KCNMA1: variants seen among roughly 807,000 people sequenced by gnomAD.
KCNMA1 encodes the protein potassium calcium-activated channel subfamily M alpha 1.
KCNMA1 carries 29 observed loss-of-function variants against 140.0 expected under a neutral mutation model. The observed-to-expected ratio is 0.21, with a 90% confidence interval of 0.15 to 0.28. The LOEUF (loss-of-function observed/expected upper bound fraction) is 0.28, where lower values mean the gene tolerates loss of function less well. Ranked by LOEUF, KCNMA1 falls within the 10% of genes least tolerant of loss-of-function variation. KCNMA1 has a pLI of 1.00. For synonymous variants in KCNMA1, 612 were observed against 611.9 expected (o/e 1.00, Z 0.00); for missense variants, 880 against 1,602.2 (o/e 0.55, Z 7.70).
intron 1 of KCNMA1, among the ~76,000 whole-genome samples, chr10:77,558,257 A>G (rs2065205392): frequency 6.6e-6 from 1 of 152,156 alleles, no homozygotes; most frequent in African/African-American, 2.4e-5. Flanking sequence ...ATGGTAGGAC[A>G]TGCCTCGTGA....
At chr10:77,448,436 C>T (rs557659010) in intron 1 of KCNMA1, among the ~76,000 whole-genome samples, 8 of 152,304 alleles carry the variant, frequency 5.3e-5, no homozygotes, top group East Asian at 1.9e-4. Flanking sequence ...TGCCTGCCAC[C>T]GGCCAGGCCT....
Position 77,367,361 on chromosome 10 carries a change from C to T in KCNMA1, c.540+36501G>A, listed in dbSNP as rs537181371. Among the ~76,000 whole-genome samples the T allele has an allele frequency of 6.6e-5, 10 of 152,170 alleles. 2 individuals are homozygous for T. The highest frequency in any genetic ancestry group is 4.6e-4 in the Admixed American group (7 of 15,296). On this transcript the variant is annotated intron_variant, in intron 2 of 27. Transcript: ENST00000286628. ...TTTTATCTTGGAAGAACTATGGATC[C>T]GTTAAAGGTCTCTCAGCGTAGGAAT...
intron 2 of KCNMA1, among the ~76,000 whole-genome samples, chr10:77,297,330 A>C (rs2075422797): frequency 6.6e-6 from 1 of 152,222 alleles, no homozygotes; most frequent in Non-Finnish European, 1.5e-5. Context: ...CATTGTTGCC[A>C]AACTTCTTAG....
intron 2 of KCNMA1, among the ~76,000 whole-genome samples, chr10:77,367,668 C>A (rs908940657): frequency 1.3e-5 from 2 of 152,176 alleles, no homozygotes; most frequent in Non-Finnish European, 2.9e-5. Context: ...TACAGAACAA[C>A]TCTGCCCCAA....
chr10:77,135,262 T>C (rs527798928), intron 5 of KCNMA1, among the ~76,000 whole-genome samples: 7 of 152,194 alleles, frequency 4.6e-5, no homozygotes, highest in Admixed American at 1.3e-4. Context: ...TCACTATTTA[T>C]CAGGGAAGTG....
chr10:76,889,404 A>G (rs775052602), intron 27 of KCNMA1, 47 bp downstream of exon 27: 10 of 1,234,074 alleles, frequency 8.1e-6, no homozygotes, highest in Admixed American at 3.4e-5. Context: ...AAGGATATTA[A>G]TATTTCTGTG....
chr10:77,356,688 G>T (rs2093511808), intron 2 of KCNMA1, among the ~76,000 whole-genome samples: 1 of 152,202 alleles, frequency 6.6e-6, no homozygotes, highest in Non-Finnish European at 1.5e-5. Flanking sequence ...TATCATAGTG[G>T]ATAGCTATTA....
At position 77,012,022 on chromosome 10, in the gene KCNMA1, G is replaced by A; in HGVS notation, c.2037C>T (p.Ala679=). 1.2e-6 allele frequency: 2 copies of A among 1,613,888 alleles called. No homozygotes were observed. The highest frequency in any genetic ancestry group is 1.7e-6 in the Non-Finnish European group (2 of 1,179,890). ...EVKRAFFYCK[A]CHDDITDPKR... Reference sequence around the variant, plus strand: ...TGGGATCTGTGATGTCATCATGACAGGCCTTGCAGTAAAAAAATGCCCTGG... The same window carrying A: ...TGGGATCTGTGATGTCATCATGACAAGCCTTGCAGTAAAAAAATGCCCTGG... The change falls in exon 18 of 28, where the codon GCC becomes GCT. Residue 679 remains alanine (A), a synonymous_variant. Transcript: ENST00000286628.
At chr10:77,253,672 TC>T (rs1038419813) in intron 2 of KCNMA1, among the ~76,000 whole-genome samples, 1 of 152,044 alleles carries the variant, frequency 6.6e-6, no homozygotes, top group Admixed American at 6.5e-5. Flanking sequence ...CCTCCACAGC[TC>T]CCTGGCCCTG....
At chr10:77,065,014 C>A (rs1487745763) in intron 14 of KCNMA1, among the ~76,000 whole-genome samples, 1 of 152,194 alleles carries the variant, frequency 6.6e-6, no homozygotes, top group Non-Finnish European at 1.5e-5. Flanking sequence ...GTTTTCTGCA[C>A]CAAAATCACA....
At chr10:77,295,464 A>G (rs1010402573) in intron 2 of KCNMA1, among the ~76,000 whole-genome samples, 1 of 151,900 alleles carries the variant, frequency 6.6e-6, no homozygotes, top group East Asian at 1.9e-4. Flanking sequence ...TTCTCACTGA[A>G]AGTGTACACT....
intron 1 of KCNMA1, among the ~76,000 whole-genome samples, chr10:77,450,247 G>A (rs2097610975): frequency 6.6e-6 from 1 of 150,978 alleles, no homozygotes; most frequent in African/African-American, 2.4e-5. Context: ...GTAGAGATGG[G>A]GTTTTGCCAT....
At chr10:77,056,730 T>A (rs1462330841) in intron 14 of KCNMA1, among the ~76,000 whole-genome samples, 1 of 152,078 alleles carries the variant, frequency 6.6e-6, no homozygotes, top group Non-Finnish European at 1.5e-5. Context: ...AAAATCAAAA[T>A]TTTAAAAATC....
chr10:77,152,450 GGGA>G (rs1254782413), intron 5 of KCNMA1, among the ~76,000 whole-genome samples: 2 of 152,086 alleles, frequency 1.3e-5, no homozygotes, highest in African/African-American at 4.8e-5. Context: ...CAGGAAAGTG[GGGA>G]GGAGATGGGA....
chr10:77,197,784 T>C (rs547688106), intron 3 of KCNMA1, among the ~76,000 whole-genome samples: 2 of 152,256 alleles, frequency 1.3e-5, no homozygotes, highest in South Asian at 2.1e-4. Context: ...TTAGCTGCCA[T>C]GCAGAAAGGA....
chr10:77,215,031 T>C (rs1250909182), intron 3 of KCNMA1, among the ~76,000 whole-genome samples: 1 of 152,180 alleles, frequency 6.6e-6, no homozygotes, highest in Non-Finnish European at 1.5e-5. Context: ...CTGTTTGACA[T>C]CTTCTCTTTC....
chr10:77,497,234 A>G (rs929504086), intron 1 of KCNMA1, among the ~76,000 whole-genome samples: 3 of 152,248 alleles, frequency 2.0e-5, no homozygotes, highest in African/African-American at 7.2e-5. Context: ...GAATAATCAA[A>G]GTCCAATGGG....
At chr10:77,329,663 G>A (rs1182027570) in intron 2 of KCNMA1, among the ~76,000 whole-genome samples, 5 of 152,184 alleles carry the variant, frequency 3.3e-5, no homozygotes, top group Non-Finnish European at 7.3e-5. Flanking sequence ...TGAACAACAC[G>A]AATGTCCTAT....
At chr10:77,233,489 G>T (rs2054304622) in intron 3 of KCNMA1, among the ~76,000 whole-genome samples, 1 of 152,194 alleles carries the variant, frequency 6.6e-6, no homozygotes, top group Non-Finnish European at 1.5e-5. Flanking sequence ...GGGAGCCAAA[G>T]GCCCATGGGA....
Sources: gnomAD v4.1 joint callset for allele counts (sites outside exome capture counted in the v4.1 genomes callset) on GRCh38, gnomAD v4.1.1 for gene constraint, MANE v1.5 for transcripts, NCBI Gene and HGNC (gene_info 2026-07-23, HGNC 2026-07-21) for gene names.